Variants in RSBN1L observed in about 807,000 individuals in gnomAD.
The protein encoded by RSBN1L is lysine-specific demethylase RSBN1L.
A neutral mutation model predicts 67.7 loss-of-function variants in RSBN1L; 30 were observed. The observed-to-expected ratio is 0.44, with a 90% CI of 0.33 to 0.60. The LOEUF is 0.60. Among genes scored for constraint, RSBN1L ranks in the 20% least tolerant of loss-of-function variants. The pLI is 0.02. For synonymous variants in RSBN1L, 433 were observed against 387.0 expected, an observed-to-expected ratio of 1.12 and a Z score of -1.39; for missense variants, 992 against 1,031.7, an observed-to-expected ratio of 0.96 and a Z score of 0.53.
intron 1 of RSBN1L, among the ~76,000 whole-genome samples, chr7:77,720,635 G>C (rs960711635): frequency 6.6e-6 from 1 of 152,124 alleles, no homozygotes; most frequent in South Asian, 2.1e-4. Flanking sequence ...TAAGTAACTT[G>C]CTTCATGTCA....
chr7:77,709,214 A>ATG (rs1790937099), intron 1 of RSBN1L, among the ~76,000 whole-genome samples: 4 of 132,530 alleles, frequency 3.0e-5, no homozygotes, highest in African/African-American at 1.1e-4. Context: ...GTGTATGTGT[A>ATG]TGTGTGTCTG....
At chr7:77,735,530 T>A (rs911956762) in intron 1 of RSBN1L, among the ~76,000 whole-genome samples, 2 of 152,182 alleles carry the variant, frequency 1.3e-5, no homozygotes, top group Admixed American at 1.3e-4. Flanking sequence ...GTAGTGTTTA[T>A]AGAAAGGAAA....
Position 77,749,485 on chromosome 7 carries a change from A to G in RSBN1L, c.765A>G (p.Lys255=). 1.9e-6 allele frequency: 3 copies of G among 1,591,812 alleles called. No homozygotes were observed. Among genetic ancestry groups the G allele is most frequent in the Non-Finnish European group, 1.7e-6 (2 of 1,174,136 alleles). The stretch of plus-strand genomic sequence containing the variant: ...TACAAATTAAAAAGGTAAAGAAGAA[A>G]AAGAAAAAGAAACACAAAGAGAATG... ...EDLQIKKVKK[K]KKKKHKENEK... The change falls in exon 3 of 8, where the codon AAA becomes AAG. Residue 255 remains lysine, a synonymous_variant. Transcript: ENST00000334955.
At chr7:77,705,911 T>C (rs913762481) in intron 1 of RSBN1L, among the ~76,000 whole-genome samples, 7 of 152,076 alleles carry the variant, frequency 4.6e-5, no homozygotes, top group African/African-American at 1.7e-4. Context: ...TCTTTTTTGT[T>C]TTTTTCTGAG....
chr7:77,715,052 A>G (rs561500942), intron 1 of RSBN1L, among the ~76,000 whole-genome samples: 3 of 151,694 alleles, frequency 2.0e-5, no homozygotes, highest in African/African-American at 7.3e-5. Flanking sequence ...TGGGCAGGTC[A>G]CCTGAGGTCA....
intron 5 of RSBN1L, among the ~76,000 whole-genome samples, chr7:77,769,573 C>A (rs1791818207): frequency 6.6e-6 from 1 of 152,088 alleles, no homozygotes; most frequent in Non-Finnish European, 1.5e-5. Flanking sequence ...CTAAGCAAGA[C>A]CAAACAATGC....
chr7:77,778,268 TGAG>T, intron 6 of RSBN1L, 67 bp from the exon 7 acceptor site: 1 of 1,050,232 alleles, frequency 9.5e-7, no homozygotes, highest in African/African-American at 1.6e-5. Flanking sequence ...ATTTTTGCTT[TGAG>T]TTTAATAAGG....
chr7:77,749,657 T>A lies in RSBN1L; in HGVS notation c.937T>A (p.Tyr313Asn). The A allele has an allele frequency of 6.2e-7, 1 of 1,614,170 alleles. No individual in the cohort carries two copies. The highest frequency in any genetic ancestry group is 8.5e-7 in the Non-Finnish European group (1 of 1,180,022). The change falls in exon 3 of 8, where the codon TAT (tyrosine) becomes AAT (asparagine). Residue 313 changes from tyrosine (Y) to asparagine (N), a missense_variant. By Grantham distance (143) the Tyr-to-Asn change is moderately radical. Around this residue, in one of 7 missense-constraint regions of RSBN1L, gnomAD observed 575 missense variants for 483.2 expected, o/e 1.19. Transcript: ENST00000334955. ...YVGKNLDTKN[Y>N]DSKIPENSEF... ...TGGGAAGAATTTGGATACCAAGAAC[T>A]ATGATTCCAAAATTCCAGAGAACAG...
intron 3 of RSBN1L, among the ~76,000 whole-genome samples, chr7:77,756,195 G>T (rs1176645972): frequency 2.0e-5 from 3 of 151,860 alleles, no homozygotes; most frequent in Non-Finnish European, 4.4e-5. Context: ...GTAGTGGCAT[G>T]ATCTCAGTTC....
rs1347111914 is a variant in RSBN1L, at chr7:77,722,750, A to C, written c.587-13660A>C. Among the ~76,000 whole-genome samples the C allele has an allele frequency of 6.6e-5, 10 of 151,628 alleles. 1 individual carries two copies. Among genetic ancestry groups the C allele is most frequent in the East Asian group, 3.9e-4 (2 of 5,142 alleles). ...ATTTCTAGCCATACATTATTCCTGG[A>C]AGGAATAATGTAAGAGAGGGAAGGT... On this transcript the variant is annotated intron_variant, in intron 1 of 7. Transcript: ENST00000334955.
In RSBN1L at chr7:77,773,315, G is replaced by A; in HGVS notation, c.1793+1G>A. The A allele has an allele frequency of 6.7e-7, 1 of 1,501,448 alleles. No individual in the cohort carries two copies. Among genetic ancestry groups the A allele is most frequent in the Non-Finnish European group, 8.9e-7 (1 of 1,120,158 alleles). The allele number at this position is 1,501,448 out of a possible 1,614,324, so 93.0% of individuals were successfully genotyped here. A position where few individuals can be genotyped will look rare whatever the true frequency, so the allele number is the denominator to read the frequency against. Reference sequence around the variant, plus strand: ...TGAAGGCTGTGCACTGTGGAGAGTGGTATATATAACTACCGCTATTTTAAT... The same window carrying A: ...TGAAGGCTGTGCACTGTGGAGAGTGATATATATAACTACCGCTATTTTAAT... On this transcript the variant is annotated splice_donor_variant, in intron 6 of 7. Coordinates refer to ENST00000334955, the MANE Select transcript of RSBN1L (RefSeq NM_198467.3). LOFTEE classifies it high-confidence loss of function.
At chr7:77,733,416 A>G (rs972286267) in intron 1 of RSBN1L, among the ~76,000 whole-genome samples, 1 of 152,108 alleles carries the variant, frequency 6.6e-6, no homozygotes, top group Non-Finnish European at 1.5e-5. Context: ...TTTTGTTTCT[A>G]TAGATGTTTT....
intron 6 of RSBN1L, among the ~76,000 whole-genome samples, chr7:77,777,036 A>T (rs914849320): frequency 6.7e-6 from 1 of 150,110 alleles, no homozygotes; most frequent in Admixed American, 6.6e-5. Context: ...TGATTTGGTT[A>T]GTAGCTTGTA....
chr7:77,742,322 G>A (rs747188940), intron 2 of RSBN1L, among the ~76,000 whole-genome samples: 2 of 151,930 alleles, frequency 1.3e-5, no homozygotes, highest in Non-Finnish European at 1.5e-5. Context: ...AAAGAAACTA[G>A]GCACAAGTTT....
chr7:77,739,115 T>C (rs1232366543), intron 2 of RSBN1L, among the ~76,000 whole-genome samples: 1 of 152,210 alleles, frequency 6.6e-6, no homozygotes, highest in Non-Finnish European at 1.5e-5. Flanking sequence ...TTGCTTAGTA[T>C]GTGGGGCCAT....
At chr7:77,701,291 G>A (rs971190705) in intron 1 of RSBN1L, among the ~76,000 whole-genome samples, 6 of 151,202 alleles carry the variant, frequency 4.0e-5, no homozygotes, top group African/African-American at 1.2e-4. Flanking sequence ...ACTTTCCTTA[G>A]TTGACATTCT....
chr7:77,706,099 G>A (rs1189579613), intron 1 of RSBN1L, among the ~76,000 whole-genome samples: 1 of 147,786 alleles, frequency 6.8e-6, no homozygotes, highest in African/African-American at 2.5e-5. Flanking sequence ...TTTTTGAGAC[G>A]GAATCTTGCT....
intron 5 of RSBN1L, among the ~76,000 whole-genome samples, chr7:77,772,908 C>T (rs1791866870): frequency 6.6e-6 from 1 of 152,138 alleles, no homozygotes; most frequent in Admixed American, 6.6e-5. Context: ...GGGTAAACAA[C>T]ACCATTTGTA....
At chr7:77,749,316 C>A in intron 2 of RSBN1L, 108 bp from the exon 3 acceptor site, 2 of 817,524 alleles carry the variant, frequency 2.4e-6, no homozygotes, top group Non-Finnish European at 3.7e-6. Context: ...ATATATAATT[C>A]TGAGTAAATT....
Sources: gnomAD v4.1 joint callset for allele counts (sites outside exome capture counted in the v4.1 genomes callset) on GRCh38, gnomAD v4.1.1 for gene constraint, gnomAD v4.1.1 regional missense constraint, MANE v1.5 for transcripts, NCBI Gene and HGNC (gene_info 2026-07-23, HGNC 2026-07-21) for gene names.